Variants in CDK19 observed in about 807,000 individuals in gnomAD.
CDK19 encodes cyclin-dependent kinase 19.
Under a neutral mutation model 68.3 loss-of-function variants are expected in CDK19, and 20 were observed. That is an observed-to-expected ratio of 0.29 (90% CI 0.21 to 0.43). The LOEUF (loss-of-function observed/expected upper bound fraction) is 0.43, where lower values mean the gene tolerates loss of function less well. CDK19 is among the 20% of genes least tolerant of loss of function. CDK19 has a pLI of 1.00. For synonymous variants in CDK19, 221 were observed against 222.8 expected (o/e 0.99, Z 0.07); for missense variants, 339 against 623.5 (o/e 0.54, Z 4.86).
intron 12 of CDK19, among the ~76,000 whole-genome samples, chr6:110,617,604 C>T (rs142826788): frequency 0.012 from 1,729 of 148,770 alleles, 34 homozygotes; most frequent in African/African-American, 0.041. Context: ...ACCAACATGG[C>T]GAAACCCTGT....
chr6:110,782,927 T>C (rs1442637734), intron 1 of CDK19, among the ~76,000 whole-genome samples: 1 of 152,188 alleles, frequency 6.6e-6, no homozygotes, highest in Non-Finnish European at 1.5e-5. Context: ...GACTAAACAA[T>C]AATCTTGAGT....
chr6:110,613,173 T>C lies in CDK19; in HGVS notation c.*1362A>G, dbSNP rs1778112685. 1 of 152,576 alleles carries C rather than the reference T, an allele frequency of 6.6e-6. No individual in the cohort carries two copies. The highest frequency in any genetic ancestry group is 6.6e-5 in the Admixed American group (1 of 15,266). The allele number at this position is 152,576 out of a possible 1,614,324, so 9.5% of individuals were successfully genotyped here. A position where few individuals can be genotyped will look rare whatever the true frequency, so the allele number is the denominator to read the frequency against. ...GGAGTGAGGGGCTCCTTAAAGCAGC[T>C]AAGAAAGAACTCAGCCACTAATTCA... On this transcript the variant is annotated 3_prime_UTR_variant, in exon 13 of 13. Transcript: ENST00000368911.
At chr6:110,813,445 C>T (rs974440182) in intron 1 of CDK19, 5 of 152,046 alleles carry the variant, frequency 3.3e-5, no homozygotes, top group African/African-American at 1.2e-4. Context: ...TGTGCTTTCC[C>T]CAAATATAAC....
chr6:110,654,952 AAAAG>A (rs940803760), intron 4 of CDK19, among the ~76,000 whole-genome samples: 25 of 152,240 alleles, frequency 1.6e-4, no homozygotes, highest in African/African-American at 3.8e-4. Flanking sequence ...CAAAAAAAAA[AAAAG>A]AAAGAAAGAA....
rs1374549254 is a variant in CDK19 at position 110,621,207 on chromosome 6, T to C, written c.1274A>G (p.His425Arg). The C allele has an allele frequency of 1.9e-6, 3 of 1,614,004 alleles. No individual in the cohort carries two copies. The highest frequency in any genetic ancestry group is 1.7e-6 in the Non-Finnish European group (2 of 1,180,030). Residue 425 changes from histidine (H) to arginine (R), a missense_variant, in exon 12 of 13, where the codon CAC becomes CGC. Physicochemically the swap from His to Arg is conservative, Grantham distance 29. This residue lies in a region of CDK19 where 155 missense variants were observed against 222.7 expected (regional missense o/e 0.70). Transcript: ENST00000368911. The surrounding 1 kb of genome is among the most constrained non-coding windows in gnomAD (Gnocchi z 5.4). ...CTGGTTCAGGCTGGAGTCCTGGCTG[T>C]GCTGCAACCCTGCTCCGGTGCCCCC... ...GVGGTGAGLQ[H>R]SQDSSLNQVP...
chr6:110,756,540 C>G (rs2114929718), intron 1 of CDK19, among the ~76,000 whole-genome samples: 1 of 149,494 alleles, frequency 6.7e-6, no homozygotes, highest in East Asian at 2.0e-4. Context: ...CCAGCCTGGG[C>G]AAGACCCTGT....
intron 1 of CDK19, among the ~76,000 whole-genome samples, chr6:110,786,058 A>G (rs1334242630): frequency 6.6e-6 from 1 of 151,772 alleles, no homozygotes; most frequent in Non-Finnish European, 1.5e-5. Context: ...TCATTTCTCT[A>G]GCAATGTTTT....
chr6:110,783,958 G>A (rs1011817583), intron 1 of CDK19, among the ~76,000 whole-genome samples: 3 of 151,796 alleles, frequency 2.0e-5, no homozygotes, highest in Non-Finnish European at 4.4e-5. Flanking sequence ...TCAGGAGTTC[G>A]AGACCAGCCT....
intron 2 of CDK19, among the ~76,000 whole-genome samples, chr6:110,701,503 G>A (rs9487494): frequency 0.014 from 2,092 of 150,354 alleles, 53 homozygotes; most frequent in African/African-American, 0.049. Context: ...AGTGAGCCGA[G>A]ATTGCACCAC....
At chr6:110,669,517 A>G (rs1415864944) in intron 3 of CDK19, among the ~76,000 whole-genome samples, 4 of 152,134 alleles carry the variant, frequency 2.6e-5, no homozygotes, top group African/African-American at 9.7e-5. Flanking sequence ...GTGATGGCTC[A>G]TGCCTATAAT....
chr6:110,664,536 A>C (rs1428273560), intron 4 of CDK19, among the ~76,000 whole-genome samples: 2 of 152,196 alleles, frequency 1.3e-5, no homozygotes, highest in Non-Finnish European at 2.9e-5. Flanking sequence ...GAAAACAAAA[A>C]ATGTTCATTA....
chr6:110,636,596 A>G (rs1484768734), intron 5 of CDK19, among the ~76,000 whole-genome samples: 1 of 152,226 alleles, frequency 6.6e-6, no homozygotes, highest in Non-Finnish European at 1.5e-5. Flanking sequence ...TTGATTTGGT[A>G]AAGTAGAGGT....
Position 110,746,114 on chromosome 6 carries a change from G to A in CDK19, c.204+12C>T, listed in dbSNP as rs1354610944. The stretch of plus-strand genomic sequence containing the variant: ...AATAATAAAATAAATAACTGTATTT[G>A]TATCCACTTACTGCAATCTCTCTAC... On this transcript the variant is annotated intron_variant, in intron 2 of 12. Coordinates refer to ENST00000368911, the MANE Select transcript of CDK19 (RefSeq NM_015076.5). 6.8e-7 allele frequency: 1 copy of A among 1,477,110 alleles called. No individual in the cohort carries two copies. 91.5% of individuals were successfully genotyped at this position (1,477,110 alleles called of 1,614,324 possible). A position where few individuals can be genotyped will look rare whatever the true frequency, so the allele number is the denominator to read the frequency against.
At chr6:110,669,500 G>C (rs534258895) in intron 3 of CDK19, among the ~76,000 whole-genome samples, 5 of 152,186 alleles carry the variant, frequency 3.3e-5, no homozygotes, top group Admixed American at 3.3e-4. Context: ...AACAAAAAAG[G>C]CTGGGTGTGA....
At chr6:110,765,316 C>A (rs1779499695) in intron 1 of CDK19, among the ~76,000 whole-genome samples, 1 of 152,100 alleles carries the variant, frequency 6.6e-6, no homozygotes, top group African/African-American at 2.4e-5. Context: ...GAGGTTGAGG[C>A]TGCAAATAGC....
chr6:110,759,964 G>A (rs2114946596), intron 1 of CDK19, among the ~76,000 whole-genome samples: 1 of 152,086 alleles, frequency 6.6e-6, no homozygotes, highest in South Asian at 2.1e-4. Context: ...ACTTATGGAG[G>A]GCAACAGCAT....
At chr6:110,671,559 AC>A (rs1024986092) in intron 2 of CDK19, among the ~76,000 whole-genome samples, 2 of 152,200 alleles carry the variant, frequency 1.3e-5, no homozygotes, top group African/African-American at 4.8e-5. Flanking sequence ...TGCACACAGA[AC>A]CCAAGGCTCA....
intron 2 of CDK19, chr6:110,706,818 A>G (rs1451065546): frequency 4.8e-5 from 10 of 209,778 alleles, no homozygotes; most frequent in Non-Finnish European, 1.0e-4. Context: ...GATGTCTACA[A>G]TATCACCTTT....
At chr6:110,646,371 A>G in intron 4 of CDK19, 2 of 1,466,278 alleles carry the variant, frequency 1.4e-6, no homozygotes, top group South Asian at 1.4e-5. Flanking sequence ...TGTGGGCGAC[A>G]GCGCCAACGA....
Sources: allele counts gnomAD v4.1 joint callset (sites outside exome capture counted in the v4.1 genomes callset), GRCh38; gene constraint gnomAD v4.1.1; regional missense constraint gnomAD v4.1.1; non-coding constraint Gnocchi (gnomAD v3.1); transcripts MANE v1.5; gene names NCBI Gene and HGNC (gene_info 2026-07-23, HGNC 2026-07-21).